EMSY: variants seen among roughly 807,000 people sequenced by gnomAD.
The protein encoded by EMSY is BRCA2-interacting transcriptional repressor EMSY.
Under a neutral mutation model 134.6 loss-of-function variants are expected in EMSY, and 26 were observed. That is an observed-to-expected ratio of 0.19 (90% CI 0.14 to 0.27). The LOEUF (loss-of-function observed/expected upper bound fraction) is 0.27. EMSY is among the 10% of genes least tolerant of loss of function. EMSY has a pLI of 1.00. For missense variants in EMSY, 1,305 were observed against 1,611.4 expected (o/e 0.81, Z 3.26); for synonymous variants, 579 against 577.8 (o/e 1.00, Z -0.03).
intron 14 of EMSY, among the ~76,000 whole-genome samples, chr11:76,528,720 G>A (rs1950933038): frequency 6.6e-6 from 1 of 151,768 alleles, no homozygotes; most frequent in African/African-American, 2.4e-5. Flanking sequence ...CTGTCAGGTA[G>A]GTAATATTAA....
chr11:76,455,088 A>G (rs1265640179), intron 4 of EMSY, among the ~76,000 whole-genome samples: 1 of 152,080 alleles, frequency 6.6e-6, no homozygotes, highest in Non-Finnish European at 1.5e-5. Context: ...ATTTGCCAAA[A>G]TATTTTTGGA....
intron 19 of EMSY, 187 bp downstream of exon 20, chr11:76,545,009 A>G (rs781439446): frequency 1.1e-4 from 73 of 661,506 alleles, no homozygotes; most frequent in Non-Finnish European, 1.7e-4. Flanking sequence ...ACGCATTAAT[A>G]TGTAGGAAGA....
chr11:76,510,179 C>A (rs962090765), intron 9 of EMSY, among the ~76,000 whole-genome samples: 5 of 152,192 alleles, frequency 3.3e-5, no homozygotes, highest in African/African-American at 1.2e-4. Flanking sequence ...TAAAGCAAGA[C>A]CCTATCTCTA....
intron 2 of EMSY, among the ~76,000 whole-genome samples, chr11:76,448,475 CAGT>C (rs1439342662): frequency 6.6e-6 from 1 of 152,024 alleles, no homozygotes; most frequent in East Asian, 1.9e-4. Flanking sequence ...ATCACAAAGA[CAGT>C]AGATTGAATT....
At chr11:76,499,983 A>G (rs1949797718) in intron 9 of EMSY, among the ~76,000 whole-genome samples, 1 of 151,148 alleles carries the variant, frequency 6.6e-6, no homozygotes. Flanking sequence ...GGGAGGGAGC[A>G]GGAGGATTGC....
chr11:76,480,747 TG>T (rs1399947688), intron 8 of EMSY, among the ~76,000 whole-genome samples: 2 of 151,874 alleles, frequency 1.3e-5, no homozygotes, highest in African/African-American at 4.8e-5. Flanking sequence ...GGTTAGACAG[TG>T]GGTGTAGCCC....
chr11:76,450,069 T>C (rs1180149317), intron 2 of EMSY, among the ~76,000 whole-genome samples: 3 of 151,938 alleles, frequency 2.0e-5, no homozygotes, highest in Admixed American at 2.0e-4. Flanking sequence ...TTTTTTTTTT[T>C]TTTTCCCTGC....
intron 6 of EMSY, among the ~76,000 whole-genome samples, chr11:76,462,381 G>A (rs1565280381): frequency 6.6e-6 from 1 of 152,356 alleles, no homozygotes; most frequent in South Asian, 2.1e-4. Context: ...ATTAGTTTGA[G>A]ATGTAATTGT....
At chr11:76,463,825 A>G in exon 7 of EMSY, 1 of 1,614,152 alleles carries the variant, frequency 6.2e-7, no homozygotes, top group Non-Finnish European at 8.5e-7. Context: ...CTTCAGGTGT[A>G]AGCTGTTCAG....
In EMSY at chr11:76,528,450, C is replaced by G. The variant is rs61754148; in HGVS notation, c.2178C>G (p.Ser726=). The change falls in exon 14 of 21, where the codon TCC becomes TCG. Residue 726 remains serine (S), a synonymous_variant. Transcript: ENST00000334736. Reference sequence around the variant, plus strand: ...ATAGTAGTTCCTCTTCTACAGAGTCCTCCCAGAGTTCCCAAGGTAAGATCT... The same window carrying G: ...ATAGTAGTTCCTCTTCTACAGAGTCGTCCCAGAGTTCCCAAGGTAAGATCT... 9.0e-4 allele frequency: 1,445 copies of G among 1,605,600 alleles called. 11 individuals carry two copies. In the African/African-American group the frequency reaches 0.016, roughly 17 times the overall value.
intron 2 of EMSY, among the ~76,000 whole-genome samples, chr11:76,450,944 C>T (rs1418704337): frequency 6.6e-6 from 1 of 151,738 alleles, no homozygotes; most frequent in Non-Finnish European, 1.5e-5. Flanking sequence ...CAGGTGTGTA[C>T]CACCACACCC....
intron 14 of EMSY, among the ~76,000 whole-genome samples, chr11:76,533,025 CT>C (rs1162119788): frequency 6.6e-6 from 1 of 152,052 alleles, no homozygotes; most frequent in Non-Finnish European, 1.5e-5. Context: ...TGCAGAACAT[CT>C]TGAGGAACAA....
chr11:76,480,444 C>T (rs145843484), intron 8 of EMSY, among the ~76,000 whole-genome samples: 49 of 152,322 alleles, frequency 3.2e-4, no homozygotes, highest in African/African-American at 1.1e-3. Flanking sequence ...GACTGTGCAA[C>T]GATGGCAAGA....
intron 8 of EMSY, among the ~76,000 whole-genome samples, chr11:76,480,856 C>T (rs770200023): frequency 7.9e-5 from 12 of 152,162 alleles, no homozygotes; most frequent in Admixed American, 7.9e-4. Context: ...CCATGAGGGA[C>T]CCTGCTGTGA....
chr11:76,527,990 A>G (rs1310021111), intron 13 of EMSY, among the ~76,000 whole-genome samples: 1 of 152,044 alleles, frequency 6.6e-6, no homozygotes, highest in East Asian at 1.9e-4. Context: ...TACAGATTAT[A>G]AAATGACTCC....
intron 14 of EMSY, among the ~76,000 whole-genome samples, chr11:76,535,254 A>G (rs1331837764): frequency 6.6e-6 from 1 of 152,162 alleles, no homozygotes; most frequent in Non-Finnish European, 1.5e-5. Flanking sequence ...ACTTGCTAAT[A>G]ATTGATGTAG....
intron 8 of EMSY, among the ~76,000 whole-genome samples, chr11:76,477,249 A>G (rs1948800718): frequency 6.7e-6 from 1 of 149,414 alleles, no homozygotes. Flanking sequence ...GTAGTCAAGC[A>G]TTATAGGTTA....
At chr11:76,481,984 C>T (rs1949001159) in intron 8 of EMSY, among the ~76,000 whole-genome samples, 1 of 152,156 alleles carries the variant, frequency 6.6e-6, no homozygotes, top group African/African-American at 2.4e-5. Context: ...TGATAGACAC[C>T]TCATACAGGA....
exon 21 of EMSY, chr11:76,551,279 C>T (rs185378563): frequency 3.2e-4 from 49 of 152,696 alleles, no homozygotes; most frequent in Admixed American, 2.8e-3. Context: ...AGAGTTTTGA[C>T]AAGTTGTGGC....
Sources: gnomAD v4.1 joint callset for allele counts (sites outside exome capture counted in the v4.1 genomes callset) on GRCh38, gnomAD v4.1.1 for gene constraint, MANE v1.5 for transcripts, NCBI Gene and HGNC (gene_info 2026-07-23, HGNC 2026-07-21) for gene names.